Variants in TTC27 observed in about 807,000 individuals in gnomAD.
The protein encoded by TTC27 is tetratricopeptide repeat domain 27.
Under a neutral mutation model 115.9 loss-of-function variants are expected in TTC27, and 79 were observed. That is an observed-to-expected ratio of 0.68 (90% CI 0.57 to 0.82). The LOEUF is 0.82. Among genes scored for constraint, TTC27 ranks in the 40% least tolerant of loss-of-function variants. The probability of loss-of-function intolerance (pLI) is 0.00; values close to 1 mark genes in which losing one functional copy is unlikely to be tolerated. For missense variants in TTC27, 1,054 were observed against 993.1 expected (o/e 1.06, Z -0.82); for synonymous variants, 401 against 356.0 (o/e 1.13, Z -1.42).
intron 15 of TTC27, among the ~76,000 whole-genome samples, chr2:32,782,911 GAAATCTTTATTTAT>G (rs1483641087): frequency 1.3e-5 from 2 of 152,048 alleles, no homozygotes; most frequent in African/African-American, 2.4e-5. Context: ...AATGTTACTT[GAAATCTTTATTTAT>G]TACTGAAGTT....
At chr2:32,789,718 G>T (rs550841497) in intron 16 of TTC27, among the ~76,000 whole-genome samples, 1 of 151,916 alleles carries the variant, frequency 6.6e-6, no homozygotes, top group Admixed American at 6.6e-5. Context: ...CCAGGGGTTT[G>T]AGACCAGCCT....
intron 13 of TTC27, among the ~76,000 whole-genome samples, chr2:32,765,557 G>C (rs913587281): frequency 6.6e-6 from 1 of 152,130 alleles, no homozygotes; most frequent in Non-Finnish European, 1.5e-5. Context: ...AAAGTCACCA[G>C]GTGTATTAGC....
intron 14 of TTC27, among the ~76,000 whole-genome samples, chr2:32,780,850 G>GTTTT (rs141309612): frequency 1.4e-5 from 2 of 143,230 alleles, no homozygotes; most frequent in African/African-American, 2.6e-5. Flanking sequence ...TCTAGTAGGT[G>GTTTT]TTTTTTTTTT....
At chr2:32,666,897 G>T in intron 7 of TTC27, 129 bp downstream of exon 7, 4 of 1,146,782 alleles carry the variant, frequency 3.5e-6, no homozygotes, top group Non-Finnish European at 3.5e-6. Flanking sequence ...GCCTTTTAAA[G>T]GTTGCTGAGT....
rs149622642 is a variant in TTC27, at chr2:32,650,214, C to T, written c.621C>T (p.Ala207=). 4.5e-5 allele frequency: 72 copies of T among 1,613,350 alleles called. No homozygotes were observed. The highest frequency in any genetic ancestry group is 5.6e-5 in the Non-Finnish European group (66 of 1,179,754). Residue 207 remains alanine (A), a synonymous_variant, in exon 5 of 20, where the codon GCC becomes GCT. Transcript: ENST00000317907. ...EERSPLLFTL[A]ENCIDQVMKL... is the part of the protein sequence containing the mutation. ...GCTCACCTCTGCTTTTTACTCTTGCCGAAAACTGTATTGATCAAGGTATGT... is the reference window on the plus strand; with the variant it reads ...GCTCACCTCTGCTTTTTACTCTTGCTGAAAACTGTATTGATCAAGGTATGT...
chr2:32,685,636 A>T (rs1464717102), intron 9 of TTC27, among the ~76,000 whole-genome samples: 2 of 152,202 alleles, frequency 1.3e-5, no homozygotes, highest in African/African-American at 4.8e-5. Context: ...AAACCAAATG[A>T]TTATCTTAAT....
chr2:32,720,633 C>T (rs577574635), intron 10 of TTC27, among the ~76,000 whole-genome samples: 1 of 152,116 alleles, frequency 6.6e-6, no homozygotes, highest in African/African-American at 2.4e-5. Flanking sequence ...GAAGCCATGA[C>T]AGTTTTTCTT....
At chr2:32,658,801 CA>C (rs1665428307) in intron 5 of TTC27, among the ~76,000 whole-genome samples, 2 of 152,148 alleles carry the variant, frequency 1.3e-5, no homozygotes. Context: ...TTAATTTTGA[CA>C]GTCATTTTAT....
At chr2:32,722,787 C>A (rs1001715998) in intron 10 of TTC27, among the ~76,000 whole-genome samples, 3 of 152,084 alleles carry the variant, frequency 2.0e-5, no homozygotes, top group Non-Finnish European at 4.4e-5. Context: ...TGTCTTAAGG[C>A]CTACAATTCA....
intron 6 of TTC27, 95 bp from the exon 7 acceptor site, chr2:32,666,540 T>G (rs560944866): frequency 7.7e-7 from 1 of 1,301,046 alleles, no homozygotes; most frequent in African/African-American, 1.5e-5. Flanking sequence ...GAAAATACCT[T>G]GTAAACTCTA....
chr2:32,701,346 A>G (rs1167816395), intron 9 of TTC27, among the ~76,000 whole-genome samples: 5 of 152,230 alleles, frequency 3.3e-5, no homozygotes, highest in Non-Finnish European at 5.9e-5. Context: ...AGTATCATCC[A>G]TGTCCAGGAA....
intron 10 of TTC27, among the ~76,000 whole-genome samples, chr2:32,728,125 C>G (rs1340158468): frequency 1.3e-5 from 2 of 150,492 alleles, no homozygotes; most frequent in East Asian, 4.0e-4. Context: ...ACTGCAAGCT[C>G]CACCTCCCGG....
In TTC27 at chr2:32,758,482, A is replaced by G. The variant is rs1288371848; in HGVS notation, c.1643A>G (p.Glu548Gly). The G allele has an allele frequency of 6.2e-7, 1 of 1,614,182 alleles. No individual in the cohort carries two copies. The highest frequency in any genetic ancestry group is 8.5e-7 in the Non-Finnish European group (1 of 1,180,022). ...LRNKEFQECV[E>G]CFERSVKINP... ...AACAAGGAGTTTCAAGAGTGTGTAG[A>G]GTGCTTCGAACGCTCGGTTAAGATT... Residue 548 changes from glutamate to glycine, a missense_variant, in exon 13 of 20, where the codon GAG becomes GGG. Transcript: ENST00000317907.
At chr2:32,747,694 A>G (rs1039763854) in intron 12 of TTC27, among the ~76,000 whole-genome samples, 8 of 152,278 alleles carry the variant, frequency 5.3e-5, no homozygotes, top group African/African-American at 1.9e-4. Flanking sequence ...AATCTATACT[A>G]TAGTATAGTT....
intron 9 of TTC27, among the ~76,000 whole-genome samples, chr2:32,685,642 T>A (rs1666603375): frequency 6.6e-6 from 1 of 152,160 alleles, no homozygotes; most frequent in Non-Finnish European, 1.5e-5. Flanking sequence ...AATGATTATC[T>A]TAATAGAAAC....
In TTC27 at chr2:32,630,795, C is replaced by T. The variant is rs941956057; in HGVS notation, c.266+95C>T. ...GGCCCTGATTTTAGCAGTTGAGAAA[C>T]CTTGCCTTATATTTTACTCAAGACT... On this transcript the variant is annotated intron_variant, in intron 2 of 19. Transcript: ENST00000317907. 21 of 1,178,608 alleles carry T rather than the reference C, an allele frequency of 1.8e-5. No individual in the cohort carries two copies. The African/African-American group carries it at 3.1e-4, about 17-fold the overall frequency. The allele number at this position is 1,178,608 out of a possible 1,614,324, so 73.0% of individuals were successfully genotyped here.
chr2:32,649,007 G>C (rs1664977090), intron 4 of TTC27, among the ~76,000 whole-genome samples: 1 of 151,950 alleles, frequency 6.6e-6, no homozygotes, highest in Non-Finnish European at 1.5e-5. Flanking sequence ...GTCAGACCTT[G>C]CCTCAAAAAA....
intron 15 of TTC27, among the ~76,000 whole-genome samples, chr2:32,784,283 A>G (rs1670278273): frequency 6.6e-6 from 1 of 152,178 alleles, no homozygotes; most frequent in African/African-American, 2.4e-5. Context: ...CAGCTCCACA[A>G]ATAGGTTTTC....
chr2:32,631,162 G>T (rs1233760200), intron 2 of TTC27, among the ~76,000 whole-genome samples: 1 of 152,124 alleles, frequency 6.6e-6, no homozygotes, highest in South Asian at 2.1e-4. Flanking sequence ...AATTAGCTGG[G>T]CATGGTGGCA....
Sources: allele counts gnomAD v4.1 joint callset (sites outside exome capture counted in the v4.1 genomes callset), GRCh38; gene constraint gnomAD v4.1.1; transcripts MANE v1.5; gene names NCBI Gene and HGNC (gene_info 2026-07-23, HGNC 2026-07-21).